The following PRDM6 variants were observed in gnomAD, a reference collection of about 807,000 sequenced individuals.
PRDM6 encodes the protein PR/SET domain 6, also known as putative histone-lysine N-methyltransferase PRDM6.
In PRDM6, 25 loss-of-function variants were observed where a neutral mutation model predicts 60.8. The ratio of observed to expected loss-of-function variants is 0.41; its 90% CI spans 0.30 to 0.57. The LOEUF is 0.57. Ranked by LOEUF, PRDM6 falls within the 20% of genes least tolerant of loss-of-function variation. The pLI, the probability that PRDM6 is intolerant of heterozygous loss-of-function variation, is 0.27. For missense variants in PRDM6, 839 were observed against 821.3 expected, an observed-to-expected ratio of 1.02 and a Z score of -0.26; for synonymous variants, 407 against 357.4, an observed-to-expected ratio of 1.14 and a Z score of -1.57.
chr5:123,149,658 G>A (rs576394273), intron 3 of PRDM6, among the ~76,000 whole-genome samples: 2 of 152,272 alleles, frequency 1.3e-5, no homozygotes, highest in East Asian at 3.9e-4. Flanking sequence ...TTGAAGAAAT[G>A]CTTCCTTACC....
intron 3 of PRDM6, among the ~76,000 whole-genome samples, chr5:123,147,604 C>G (rs1394542420): frequency 6.6e-6 from 1 of 152,130 alleles, no homozygotes; most frequent in African/African-American, 2.4e-5. Flanking sequence ...AGGGCACTCT[C>G]AAAAGAGTAC....
intron 6 of PRDM6, among the ~76,000 whole-genome samples, chr5:123,176,287 A>AAC (rs1358450372): frequency 6.6e-6 from 1 of 151,388 alleles, no homozygotes; most frequent in African/African-American, 2.4e-5. Context: ...AAAAAAACAA[A>AAC]AAAAAAACCA....
chr5:123,159,741 A>G, intron 5 of PRDM6, 103 bp downstream of exon 5: 2 of 1,108,572 alleles, frequency 1.8e-6, no homozygotes, highest in Non-Finnish European at 2.6e-6. Context: ...GTTCACTGTA[A>G]TAAGTAACAC....
At chr5:123,116,799 A>G (rs1264231960) in intron 3 of PRDM6, among the ~76,000 whole-genome samples, 3 of 152,242 alleles carry the variant, frequency 2.0e-5, no homozygotes, top group Non-Finnish European at 4.4e-5. Flanking sequence ...ACACTGTATA[A>G]TAGACTGGGG....
intron 3 of PRDM6, among the ~76,000 whole-genome samples, chr5:123,144,977 CAACT>C (rs1217097005): frequency 4.6e-5 from 7 of 152,164 alleles, no homozygotes; most frequent in Non-Finnish European, 7.3e-5. Flanking sequence ...AACAACCAAC[CAACT>C]GACAGACATT....
intron 5 of PRDM6, among the ~76,000 whole-genome samples, chr5:123,170,181 G>A (rs1429317035): frequency 1.3e-5 from 2 of 152,020 alleles, no homozygotes; most frequent in Non-Finnish European, 2.9e-5. Context: ...CAGTCAGCCC[G>A]TCTCCCTTAC....
chr5:123,118,407 A>T (rs944404581), intron 3 of PRDM6, among the ~76,000 whole-genome samples: 4 of 152,204 alleles, frequency 2.6e-5, no homozygotes, highest in African/African-American at 9.7e-5. Flanking sequence ...GCGGTTTGAG[A>T]TGCAAATAGG....
Position 123,188,879 on chromosome 5 carries a change from C to G in PRDM6, c.*1678C>G, listed in dbSNP as rs555521372. ...CATTTTAAATGGAATTCAACAGGGT[C>G]TAATTAATAAGTGTTTACAGTTATT... On this transcript the variant is annotated 3_prime_UTR_variant, in exon 8 of 8. Coordinates refer to ENST00000407847, the MANE Select transcript of PRDM6 (RefSeq NM_001136239.4). The G allele has an allele frequency of 3.5e-4, 53 of 152,192 alleles. No individual in the cohort carries two copies. Among genetic ancestry groups the G allele is most frequent in the African/African-American group, 1.3e-3 (52 of 41,538 alleles). The allele number at this position is 152,192 out of a possible 1,614,324, so 9.4% of individuals were successfully genotyped here.
At chr5:123,174,321 A>G (rs1765958501) in intron 6 of PRDM6, among the ~76,000 whole-genome samples, 1 of 152,242 alleles carries the variant, frequency 6.6e-6, no homozygotes. Flanking sequence ...AGTCTTTAGC[A>G]ATATATGCCC....
chr5:123,186,970 G>A lies in PRDM6; in HGVS notation c.1674-117G>A, dbSNP rs1291359737. ...AGGAGCCACCAATTAAACCTCTTGA[G>A]CTGGTAAAATCTGAAGCCACTTTGG... On this transcript the variant is annotated intron_variant, in intron 7 of 7. Transcript: ENST00000407847. 5 of 719,174 alleles carry A rather than the reference G, an allele frequency of 7.0e-6. No homozygotes were observed. In the Admixed American group the frequency reaches 9.5e-5, roughly 14 times the overall value. The allele number at this position is 719,174 out of a possible 1,614,324, so 44.5% of individuals were successfully genotyped here.
At chr5:123,148,572 A>G (rs1765301077) in intron 3 of PRDM6, among the ~76,000 whole-genome samples, 1 of 151,526 alleles carries the variant, frequency 6.6e-6, no homozygotes, top group Admixed American at 6.6e-5. Flanking sequence ...TAAAATATGC[A>G]TATTCACGGT....
chr5:123,125,666 C>T (rs1248633236), intron 3 of PRDM6, among the ~76,000 whole-genome samples: 1 of 152,176 alleles, frequency 6.6e-6, no homozygotes, highest in African/African-American at 2.4e-5. Flanking sequence ...AAGAAGTTAC[C>T]TTGTATTCAG....
intron 3 of PRDM6, among the ~76,000 whole-genome samples, chr5:123,105,109 G>A (rs1296531268): frequency 1.3e-5 from 2 of 152,038 alleles, no homozygotes; most frequent in East Asian, 1.9e-4. Flanking sequence ...TGTATCCACC[G>A]GATTATTTTT....
At chr5:123,108,786 G>A (rs2150211513) in intron 3 of PRDM6, among the ~76,000 whole-genome samples, 1 of 152,194 alleles carries the variant, frequency 6.6e-6, no homozygotes, top group East Asian at 1.9e-4. Context: ...TTCATAATGG[G>A]TTTTTGAGAC....
At chr5:123,102,236 C>G (rs895549520) in intron 3 of PRDM6, among the ~76,000 whole-genome samples, 4 of 152,042 alleles carry the variant, frequency 2.6e-5, no homozygotes, top group African/African-American at 9.7e-5. Flanking sequence ...TGCCAATATC[C>G]ATTTGTAAAA....
chr5:123,169,575 T>C (rs1765838705), intron 5 of PRDM6, among the ~76,000 whole-genome samples: 1 of 152,212 alleles, frequency 6.6e-6, no homozygotes, highest in African/African-American at 2.4e-5. Context: ...GGGCCGAACA[T>C]CTATTTAGTG....
intron 3 of PRDM6, among the ~76,000 whole-genome samples, chr5:123,116,794 G>C (rs866520078): frequency 6.6e-5 from 10 of 152,174 alleles, no homozygotes; most frequent in African/African-American, 2.2e-4. Flanking sequence ...TTTTAACACT[G>C]TATAATAGAC....
At chr5:123,145,225 A>G (rs1389286786) in intron 3 of PRDM6, among the ~76,000 whole-genome samples, 13 of 152,228 alleles carry the variant, frequency 8.5e-5, no homozygotes, top group Admixed American at 8.5e-4. Context: ...ATCCCATTCT[A>G]GACAACAAAT....
At position 123,090,401 on chromosome 5, in the gene PRDM6, C is replaced by G. The variant is rs1189915588; in HGVS notation, c.387C>G (p.Ala129=). Residue 129 remains alanine (A), a synonymous_variant, in exon 2 of 8, where the codon GCC becomes GCG. Transcript: ENST00000407847. ...FAPLAAAAVA[A]EPLPPKELCL... is the part of the protein sequence containing the mutation. The stretch of plus-strand genomic sequence containing the variant: ...CTCTAGCCGCCGCTGCCGTCGCCGC[C>G]GAGCCGCTGCCCCCCAAGGAACTGT... 1 of 1,459,486 alleles carries G rather than the reference C, an allele frequency of 6.9e-7. No homozygotes were observed. Among genetic ancestry groups the G allele is most frequent in the East Asian group, 3.0e-5 (1 of 33,034 alleles). 90.4% of individuals were successfully genotyped at this position (1,459,486 alleles called of 1,614,324 possible).
Sources: gnomAD v4.1 joint callset for allele counts (sites outside exome capture counted in the v4.1 genomes callset) on GRCh38, gnomAD v4.1.1 for gene constraint, MANE v1.5 for transcripts, NCBI Gene and HGNC (gene_info 2026-07-23, HGNC 2026-07-21) for gene names.